Variants in KSR2 observed in about 807,000 individuals in gnomAD.
The protein encoded by KSR2 is kinase suppressor of ras 2.
Under a neutral mutation model 107.8 loss-of-function variants are expected in KSR2, and 25 were observed. The observed-to-expected ratio is 0.23, with a 90% CI of 0.17 to 0.32. KSR2 has a LOEUF of 0.32. Ranked by LOEUF, KSR2 falls within the 10% of genes least tolerant of loss-of-function variation. The pLI is 1.00. For missense variants in KSR2, 887 were observed against 1,268.9 expected (o/e 0.70, Z 4.57); for synonymous variants, 480 against 507.0 (o/e 0.95, Z 0.71).
intron 4 of KSR2, among the ~76,000 whole-genome samples, chr12:117,727,704 C>A (rs1388730631): frequency 6.6e-6 from 1 of 152,120 alleles, no homozygotes; most frequent in Non-Finnish European, 1.5e-5. Context: ...CATCCCTGCC[C>A]ACACCTTGAC....
chr12:117,656,001 AACC>A (rs1283408125), intron 5 of KSR2, among the ~76,000 whole-genome samples: 1 of 152,204 alleles, frequency 6.6e-6, no homozygotes, highest in African/African-American at 2.4e-5. Context: ...GCAGGAAAAA[AACC>A]ACGACTTGCT....
chr12:117,605,277 G>A (rs1881163491), intron 5 of KSR2, among the ~76,000 whole-genome samples: 1 of 152,196 alleles, frequency 6.6e-6, no homozygotes, highest in Non-Finnish European at 1.5e-5. Context: ...AACCCAGGAA[G>A]GCTCTTAGGT....
At chr12:117,535,604 TTGTGTGTGTGTGTGTGTGTGTG>T (rs5801239) in intron 10 of KSR2, among the ~76,000 whole-genome samples, 27 of 142,326 alleles carry the variant, frequency 1.9e-4, no homozygotes, top group Middle Eastern at 3.5e-3. Flanking sequence ...TTTCCTGGAG[TTGTGTGTGTGTGTGTGTGTGTG>T]TGTGTGTGTG....
chr12:117,877,182 C>T (rs1893880802), intron 1 of KSR2, among the ~76,000 whole-genome samples: 1 of 151,986 alleles, frequency 6.6e-6, no homozygotes, highest in South Asian at 2.1e-4. Flanking sequence ...ACTAAAAATA[C>T]AAAAATTAGC....
intron 5 of KSR2, among the ~76,000 whole-genome samples, chr12:117,645,396 C>T (rs1386999523): frequency 2.0e-5 from 3 of 152,150 alleles, no homozygotes; most frequent in Non-Finnish European, 4.4e-5. Flanking sequence ...TCTACAAATG[C>T]AATCTTGGAG....
Position 117,466,236 on chromosome 12 carries a change from T to C in KSR2, c.*963A>G, listed in dbSNP as rs1274214204. The C allele has an allele frequency of 2.6e-5, 4 of 151,804 alleles. No individual in the cohort carries two copies. The highest frequency in any genetic ancestry group is 9.7e-5 in the African/African-American group (4 of 41,270). 9.4% of individuals were successfully genotyped at this position (151,804 alleles called of 1,614,324 possible). A position where few individuals can be genotyped will look rare whatever the true frequency, so the allele number is the denominator to read the frequency against. On this transcript the variant is annotated 3_prime_UTR_variant, in exon 20 of 20. Transcript: ENST00000339824. ...CCCCAAGAACCCGCATCCACCTTGG[T>C]GGGGGAATAAGCTTCACTGGTGTGA...
At chr12:117,542,534 C>T (rs1876577005) in intron 9 of KSR2, among the ~76,000 whole-genome samples, 2 of 152,132 alleles carry the variant, frequency 1.3e-5, no homozygotes, top group African/African-American at 4.8e-5. Flanking sequence ...ACGAAGATCC[C>T]TCATGTTGCC....
At chr12:117,538,298 G>C (rs190553547) in intron 10 of KSR2, among the ~76,000 whole-genome samples, 1 of 152,328 alleles carries the variant, frequency 6.6e-6, no homozygotes, top group Non-Finnish European at 1.5e-5. Context: ...ATATGAGGCT[G>C]TTAAATTCAG....
Position 117,470,215 on chromosome 12 carries a change from TCCATC to T in KSR2, c.2713-425_2713-421del, listed in dbSNP as rs1407759109. Among the ~76,000 whole-genome samples the T allele has an allele frequency of 6.1e-3, 912 of 150,318 alleles. 17 individuals carry two copies. The highest frequency in any genetic ancestry group is 0.021 in the African/African-American group (844 of 40,452). Reference sequence around the variant, plus strand: ...CATTATCCATCCATCCATCCATCCATCCATCCATCCATCCGGCATGTATCTACACA... The same window carrying T: ...CATTATCCATCCATCCATCCATCCATCATCCATCCGGCATGTATCTACACA... On this transcript the variant is annotated intron_variant, in intron 18 of 19. Transcript: ENST00000339824.
intron 4 of KSR2, among the ~76,000 whole-genome samples, chr12:117,706,843 T>C (rs992866057): frequency 3.3e-5 from 5 of 152,162 alleles, no homozygotes; most frequent in Non-Finnish European, 5.9e-5. Context: ...CAATAAAATA[T>C]ACATTGTAAT....
intron 9 of KSR2, among the ~76,000 whole-genome samples, chr12:117,551,013 A>G (rs1877266236): frequency 6.6e-6 from 1 of 152,226 alleles, no homozygotes; most frequent in Non-Finnish European, 1.5e-5. Flanking sequence ...TGTACCTTGC[A>G]ACCAACCAAC....
intron 4 of KSR2, among the ~76,000 whole-genome samples, chr12:117,715,677 A>G (rs1886952770): frequency 2.0e-5 from 3 of 152,164 alleles, no homozygotes. Context: ...GTCTGTTGCA[A>G]TTACTCATTT....
intron 14 of KSR2, among the ~76,000 whole-genome samples, chr12:117,507,264 T>G (rs1306710278): frequency 6.6e-6 from 1 of 152,176 alleles, no homozygotes; most frequent in African/African-American, 2.4e-5. Flanking sequence ...AGCACCAGGA[T>G]GGCAAACTAG....
At chr12:117,793,173 TAC>T (rs548202727) in intron 3 of KSR2, among the ~76,000 whole-genome samples, 10 of 118,288 alleles carry the variant, frequency 8.5e-5, no homozygotes, top group African/African-American at 2.5e-4. Context: ...CACCAACATG[TAC>T]ACACACCAAT....
At chr12:117,807,224 G>A (rs1291767376) in intron 3 of KSR2, among the ~76,000 whole-genome samples, 1 of 152,044 alleles carries the variant, frequency 6.6e-6, no homozygotes, top group East Asian at 1.9e-4. Flanking sequence ...GTGATTCCCG[G>A]GCCTCTTGGA....
intron 7 of KSR2, among the ~76,000 whole-genome samples, chr12:117,571,421 G>T (rs575559665): frequency 6.6e-6 from 1 of 152,270 alleles, no homozygotes; most frequent in South Asian, 2.1e-4. Context: ...TCAAGGTAAG[G>T]AGGCTGGGAT....
intron 14 of KSR2, among the ~76,000 whole-genome samples, chr12:117,518,783 C>T (rs951199637): frequency 6.6e-6 from 1 of 152,204 alleles, no homozygotes; most frequent in African/African-American, 2.4e-5. Flanking sequence ...GGCCTTTGCA[C>T]CTGCAGTACC....
At chr12:117,552,591 T>C (rs7964516) in intron 9 of KSR2, among the ~76,000 whole-genome samples, 1,936 of 152,270 alleles carry the variant, frequency 0.013, 43 homozygotes, top group African/African-American at 0.044. Context: ...CTAGTTGACA[T>C]CTCTGCTGAA....
chr12:117,640,705 C>G (rs1375523199), intron 5 of KSR2, among the ~76,000 whole-genome samples: 2 of 152,136 alleles, frequency 1.3e-5, no homozygotes, highest in Non-Finnish European at 2.9e-5. Context: ...CTCCCTGGGC[C>G]CCCGTGGACA....
Sources: gnomAD v4.1 joint callset for allele counts (sites outside exome capture counted in the v4.1 genomes callset) on GRCh38, gnomAD v4.1.1 for gene constraint, MANE v1.5 for transcripts, NCBI Gene and HGNC (gene_info 2026-07-23, HGNC 2026-07-21) for gene names.